WWOX: variants seen among roughly 807,000 people sequenced by gnomAD.
The protein encoded by WWOX is WW domain containing oxidoreductase.
A neutral mutation model predicts 46.2 loss-of-function variants in WWOX; 69 were observed. The observed-to-expected ratio is 1.49, with a 90% CI of 1.23 to 1.82. WWOX has a LOEUF of 1.82. Among genes scored for constraint, WWOX ranks in the 40% most tolerant of loss-of-function variants. The probability of loss-of-function intolerance (pLI) is 0.00; values close to 1 mark genes in which losing one functional copy is unlikely to be tolerated. For missense variants in WWOX, 919 were observed against 542.6 expected (o/e 1.69, Z -6.89); for synonymous variants, 359 against 202.6 (o/e 1.77, Z -6.56).
intron 6 of WWOX, among the ~76,000 whole-genome samples, chr16:78,395,318 A>G (rs2082260815): frequency 6.6e-6 from 1 of 152,160 alleles, no homozygotes; most frequent in Non-Finnish European, 1.5e-5. Context: ...CCGGAGTTTG[A>G]GACCAGCCTC....
At chr16:78,645,926 T>C (rs2046829229) in intron 8 of WWOX, among the ~76,000 whole-genome samples, 1 of 152,180 alleles carries the variant, frequency 6.6e-6, no homozygotes, top group Non-Finnish European at 1.5e-5. Context: ...GGCCACATCT[T>C]CCATCCTTAA....
intron 8 of WWOX, among the ~76,000 whole-genome samples, chr16:79,167,374 T>C (rs562942666): frequency 2.0e-5 from 3 of 152,206 alleles, no homozygotes; most frequent in African/African-American, 7.2e-5. Flanking sequence ...TTCTTAGTAT[T>C]TGGTTTTTTT....
chr16:78,813,695 T>C (rs992696137), intron 8 of WWOX, among the ~76,000 whole-genome samples: 1 of 152,192 alleles, frequency 6.6e-6, no homozygotes, highest in Non-Finnish European at 1.5e-5. Context: ...ATTCATTCGA[T>C]GTTTGTTTTC....
chr16:78,345,273 C>G lies in WWOX; in HGVS notation c.517-41587C>G, dbSNP rs138437066. ...TTCCTCATCTATAAAAGGGAGACTT[C>G]AATCTTATTTAATGGCAAAAGTCAC... is the stretch of plus-strand genomic sequence containing the variant. On this transcript the variant is annotated intron_variant, in intron 5 of 8. Transcript: ENST00000566780. Among the ~76,000 whole-genome samples, 61 of 113,362 alleles carry G rather than the reference C, an allele frequency of 5.4e-4. 2 individuals carry two copies. The East Asian group carries it at 0.011, about 20-fold the overall frequency. 74.4% of individuals were successfully genotyped at this position (113,362 alleles called of 152,430 possible). A position where few individuals can be genotyped will look rare whatever the true frequency, so the allele number is the denominator to read the frequency against.
intron 8 of WWOX, among the ~76,000 whole-genome samples, chr16:78,589,326 G>C (rs2045297213): frequency 1.3e-5 from 2 of 152,212 alleles, no homozygotes; most frequent in African/African-American, 4.8e-5. Flanking sequence ...CCTCCTTGAT[G>C]GGGGGACACA....
intron 8 of WWOX, among the ~76,000 whole-genome samples, chr16:78,937,217 C>T (rs113969919): frequency 3.4e-4 from 51 of 152,182 alleles, no homozygotes; most frequent in African/African-American, 1.1e-3. Context: ...GAAGAGAAAA[C>T]TTTCAACTTT....
intron 4 of WWOX, among the ~76,000 whole-genome samples, chr16:78,157,316 C>T (rs570807614): frequency 1.3e-5 from 2 of 152,270 alleles, no homozygotes; most frequent in East Asian, 1.9e-4. Context: ...TCGGTGCCTG[C>T]CCCCAGCCAG....
At chr16:78,392,037 G>T (rs1242326007) in intron 6 of WWOX, among the ~76,000 whole-genome samples, 1 of 149,142 alleles carries the variant, frequency 6.7e-6, no homozygotes, top group African/African-American at 2.5e-5. Context: ...TAATGCAACA[G>T]ATTTAAGGGA....
At chr16:78,731,009 G>A (rs2048957087) in intron 8 of WWOX, among the ~76,000 whole-genome samples, 1 of 152,108 alleles carries the variant, frequency 6.6e-6, no homozygotes, top group Non-Finnish European at 1.5e-5. Flanking sequence ...CAGAGCCATT[G>A]ATATTGATGT....
chr16:78,883,654 A>G (rs985374909), intron 8 of WWOX, among the ~76,000 whole-genome samples: 2 of 151,448 alleles, frequency 1.3e-5, no homozygotes, highest in African/African-American at 4.9e-5. Context: ...AATCCAGGAG[A>G]TGGAGGTTGC....
intron 5 of WWOX, among the ~76,000 whole-genome samples, chr16:78,201,097 G>A (rs2036215586): frequency 6.6e-6 from 1 of 152,078 alleles, no homozygotes; most frequent in Non-Finnish European, 1.5e-5. Context: ...TGGATAGAAG[G>A]GACTGTACTA....
intron 8 of WWOX, among the ~76,000 whole-genome samples, chr16:78,465,719 A>G (rs1011568273): frequency 6.6e-6 from 1 of 152,218 alleles, no homozygotes; most frequent in Non-Finnish European, 1.5e-5. Context: ...TTAATTGCCC[A>G]GGTAAATAAT....
chr16:79,182,165 T>C (rs948641796), intron 8 of WWOX, among the ~76,000 whole-genome samples: 1 of 151,296 alleles, frequency 6.6e-6, no homozygotes, highest in Non-Finnish European at 1.5e-5. Context: ...TCTTGTTCTT[T>C]CTGGTGGTTC....
chr16:78,809,344 G>A lies in WWOX; in HGVS notation c.1056+376592G>A, dbSNP rs539804927. On this transcript the variant is annotated intron_variant, in intron 8 of 8. Transcript: ENST00000566780. ...AAAAAAAAAAAGAAAAAACCACCGT[G>A]GTATTCTAGGAAGAAAAAAGCATTT... Among the ~76,000 whole-genome samples, 278 of 149,250 alleles carry A rather than the reference G, an allele frequency of 1.9e-3. 1 individual carries two copies. Among genetic ancestry groups the A allele is most frequent in the African/African-American group, 6.5e-3 (263 of 40,646 alleles).
At chr16:78,965,946 C>G (rs887085926) in intron 8 of WWOX, among the ~76,000 whole-genome samples, 7 of 152,088 alleles carry the variant, frequency 4.6e-5, no homozygotes, top group African/African-American at 1.4e-4. Context: ...TCAATTTGCT[C>G]CAAAGTAGAG....
At chr16:78,602,367 G>C (rs1242736105) in intron 8 of WWOX, among the ~76,000 whole-genome samples, 3 of 152,094 alleles carry the variant, frequency 2.0e-5, no homozygotes, top group Non-Finnish European at 4.4e-5. Context: ...TGAGTAGCTG[G>C]GACTAAAGGC....
chr16:79,209,115 G>GA (rs1274945664), intron 8 of WWOX, among the ~76,000 whole-genome samples: 1 of 152,150 alleles, frequency 6.6e-6, no homozygotes, highest in Admixed American at 6.6e-5. Flanking sequence ...AGTGGCAAAG[G>GA]AATCAAAGCC....
At chr16:78,620,849 T>C (rs1236659676) in intron 8 of WWOX, among the ~76,000 whole-genome samples, 2 of 152,208 alleles carry the variant, frequency 1.3e-5, no homozygotes, top group Non-Finnish European at 2.9e-5. Context: ...GTTTATTTCT[T>C]CTTTCATTTT....
chr16:78,447,634 G>A (rs531513059), intron 8 of WWOX, among the ~76,000 whole-genome samples: 2 of 152,278 alleles, frequency 1.3e-5, no homozygotes, highest in African/African-American at 2.4e-5. Flanking sequence ...GAGGCGGAAG[G>A]AAATGCAAAA....
Sources: gnomAD v4.1 joint callset for allele counts (sites outside exome capture counted in the v4.1 genomes callset) on GRCh38, gnomAD v4.1.1 for gene constraint, MANE v1.5 for transcripts, NCBI Gene and HGNC (gene_info 2026-07-23, HGNC 2026-07-21) for gene names.